CCDC146: variants seen among roughly 807,000 people sequenced by gnomAD.
CCDC146 encodes the protein coiled-coil domain containing 146, also known as coiled-coil domain-containing protein 146.
In CCDC146, 92 loss-of-function variants were observed where a neutral mutation model predicts 119.3. The ratio of observed to expected loss-of-function variants is 0.77; its 90% CI spans 0.65 to 0.92. CCDC146 has a LOEUF of 0.92. Ranked by LOEUF, CCDC146 falls within the 40% of genes least tolerant of loss-of-function variation. The probability of loss-of-function intolerance (pLI) is 0.00; values close to 1 mark genes in which losing one functional copy is unlikely to be tolerated. For missense variants in CCDC146, 1,000 were observed against 1,103.0 expected, an observed-to-expected ratio of 0.91 and a Z score of 1.32; for synonymous variants, 372 against 371.8, an observed-to-expected ratio of 1.00 and a Z score of -0.01.
chr7:77,255,871 A>G (rs1216796600), intron 5 of CCDC146, among the ~76,000 whole-genome samples: 1 of 152,230 alleles, frequency 6.6e-6, no homozygotes, highest in African/African-American at 2.4e-5. Context: ...AGTGTTGGGT[A>G]TCCAAATATG....
chr7:77,272,415 T>C (rs1376743249), intron 9 of CCDC146, among the ~76,000 whole-genome samples: 3 of 152,230 alleles, frequency 2.0e-5, no homozygotes, highest in East Asian at 1.9e-4. Flanking sequence ...AGACACACTT[T>C]AGTGACTTTA....
intron 2 of CCDC146, among the ~76,000 whole-genome samples, chr7:77,176,498 T>C (rs542343674): frequency 6.6e-6 from 1 of 151,610 alleles, no homozygotes; most frequent in African/African-American, 2.4e-5. Flanking sequence ...TATGGCACCA[T>C]ACATGAGAGT....
In CCDC146 at chr7:77,241,898, T is replaced by C; in HGVS notation, c.447T>C (p.Asn149=). 6.2e-7 allele frequency: 1 copy of C among 1,605,068 alleles called. No individual in the cohort carries two copies. The highest frequency in any genetic ancestry group is 8.5e-7 in the Non-Finnish European group (1 of 1,171,914). ...AGTTCCATAATCAGTACAGATTAAA[T>C]AGGTAAGTGCACAGTTCTCTCCGGC... ...EREFHNQYRL[N]SLKEEKIIIV... Residue 149 remains asparagine, a splice_region_variant and synonymous_variant, in exon 4 of 19, where the codon AAT becomes AAC. Coordinates refer to ENST00000285871, the MANE Select transcript of CCDC146 (RefSeq NM_020879.3).
At chr7:77,174,531 G>A (rs1029636353) in intron 2 of CCDC146, among the ~76,000 whole-genome samples, 1 of 152,132 alleles carries the variant, frequency 6.6e-6, no homozygotes, top group Non-Finnish European at 1.5e-5. Flanking sequence ...CTAGAATGAG[G>A]TTGGTAACTT....
chr7:77,266,062 G>A (rs1173946345), intron 9 of CCDC146, among the ~76,000 whole-genome samples: 3 of 152,072 alleles, frequency 2.0e-5, no homozygotes, highest in East Asian at 3.8e-4. Context: ...TGACTTCCAC[G>A]TGGCACTGAA....
At chr7:77,166,811 G>A (rs1460610579) in intron 1 of CCDC146, among the ~76,000 whole-genome samples, 1 of 152,064 alleles carries the variant, frequency 6.6e-6, no homozygotes, top group African/African-American at 2.4e-5. Context: ...ACTGGGTCCT[G>A]CAAATTATGT....
At chr7:77,267,466 C>T (rs1793429326) in intron 9 of CCDC146, among the ~76,000 whole-genome samples, 1 of 152,004 alleles carries the variant, frequency 6.6e-6, no homozygotes, top group South Asian at 2.1e-4. Flanking sequence ...GGTATATCTT[C>T]ATACCCCAAG....
At chr7:77,187,174 A>T (rs1173285494) in intron 2 of CCDC146, among the ~76,000 whole-genome samples, 4 of 152,216 alleles carry the variant, frequency 2.6e-5, no homozygotes, top group African/African-American at 9.7e-5. Context: ...CCATCACTAT[A>T]TAAATGAACT....
chr7:77,280,089 A>G (rs1183710429), intron 13 of CCDC146, among the ~76,000 whole-genome samples: 2 of 152,236 alleles, frequency 1.3e-5, no homozygotes, highest in Admixed American at 1.3e-4. Flanking sequence ...TCCAGTGGAC[A>G]TTATTGGATA....
chr7:77,159,084 C>T (rs1039929519), intron 1 of CCDC146, among the ~76,000 whole-genome samples: 1 of 152,046 alleles, frequency 6.6e-6, no homozygotes, highest in Non-Finnish European at 1.5e-5. Flanking sequence ...ATGAAACCAC[C>T]AACCATCATC....
chr7:77,286,849 C>A lies in CCDC146; in HGVS notation c.2200C>A (p.Pro734Thr), dbSNP rs778941463. The change falls in exon 16 of 19, where the codon CCT (proline) becomes ACT (threonine). Residue 734 changes from proline (P) to threonine (T), a missense_variant. Transcript: ENST00000285871. ...AGACCTGGAGAAACAGTTCGTAAAGCCTGATGGTGAGAATAGAGCTCGCTT... is the reference window on the plus strand; with the variant it reads ...AGACCTGGAGAAACAGTTCGTAAAGACTGATGGTGAGAATAGAGCTCGCTT... ...IKDLEKQFVK[P>T]DGENRARFLP... is the part of the protein sequence containing the mutation. 3.7e-6 allele frequency: 6 copies of A among 1,613,804 alleles called. No individual in the cohort carries two copies. The highest frequency in any genetic ancestry group is 1.7e-5 in the Admixed American group (1 of 60,018).
chr7:77,201,809 CATTTCTTCTCACCT>C (rs1035539096), intron 2 of CCDC146, among the ~76,000 whole-genome samples: 1 of 152,072 alleles, frequency 6.6e-6, no homozygotes, highest in Non-Finnish European at 1.5e-5. Flanking sequence ...CTCCTAACCT[CATTTCTTCTCACCT>C]ATTTTCAAGC....
intron 16 of CCDC146, 159 bp from the exon 17 acceptor site, chr7:77,287,281 A>C: frequency 1.5e-6 from 1 of 684,060 alleles, no homozygotes. Flanking sequence ...TCCCAGAGGT[A>C]TCTGCAGGGG....
intron 1 of CCDC146, among the ~76,000 whole-genome samples, chr7:77,149,959 A>ATCTT (rs1584026348): frequency 1.3e-5 from 2 of 151,686 alleles, no homozygotes; most frequent in Non-Finnish European, 2.9e-5. Flanking sequence ...TGGGAAGAAG[A>ATCTT]TCTTTTTTTT....
chr7:77,251,981 T>G (rs1465108918), intron 4 of CCDC146, among the ~76,000 whole-genome samples: 1 of 152,124 alleles, frequency 6.6e-6, no homozygotes, highest in African/African-American at 2.4e-5. Context: ...AAACCCCGTC[T>G]TTACTGAAAA....
intron 2 of CCDC146, among the ~76,000 whole-genome samples, chr7:77,215,885 C>A (rs1433072193): frequency 2.0e-4 from 30 of 152,124 alleles, no homozygotes; most frequent in Admixed American, 1.2e-3. Flanking sequence ...TATTTTGATA[C>A]ATAGTTATAT....
intron 1 of CCDC146, among the ~76,000 whole-genome samples, chr7:77,152,111 A>G (rs1023753990): frequency 6.6e-6 from 1 of 152,194 alleles, no homozygotes; most frequent in African/African-American, 2.4e-5. Flanking sequence ...TTGAATGTTC[A>G]GGTTCCACCA....
intron 1 of CCDC146, among the ~76,000 whole-genome samples, chr7:77,163,438 ACTCTGT>A (rs1584034712): frequency 6.6e-6 from 1 of 151,700 alleles, no homozygotes; most frequent in African/African-American, 2.4e-5. Context: ...ACAGAGCAAG[ACTCTGT>A]CTCAAAAAAA....
intron 2 of CCDC146, among the ~76,000 whole-genome samples, chr7:77,221,324 G>T (rs535099453): frequency 5.7e-4 from 87 of 152,182 alleles, no homozygotes; most frequent in Admixed American, 9.8e-4. Flanking sequence ...CAATTCAAAG[G>T]CTTTTAATAT....
Sources: allele counts gnomAD v4.1 joint callset (sites outside exome capture counted in the v4.1 genomes callset), GRCh38; gene constraint gnomAD v4.1.1; transcripts MANE v1.5; gene names NCBI Gene and HGNC (gene_info 2026-07-23, HGNC 2026-07-21).